NCAPD3: variants seen among roughly 807,000 people sequenced by gnomAD.
NCAPD3 encodes condensin-2 complex subunit D3.
In NCAPD3, 105 loss-of-function variants were observed where a neutral mutation model predicts 182.9. The ratio of observed to expected loss-of-function variants is 0.57; its 90% CI spans 0.49 to 0.68. The LOEUF (loss-of-function observed/expected upper bound fraction) is 0.68. NCAPD3 is among the 30% of genes least tolerant of loss of function. The pLI is 0.00. For missense variants in NCAPD3, 1,944 were observed against 1,837.0 expected (o/e 1.06, Z -1.07); for synonymous variants, 815 against 679.9 (o/e 1.20, Z -3.09).
rs1381591279 is a variant in NCAPD3, at chr11:134,151,283, C to T, written c.*1661G>A. 1 of 152,220 alleles carries T rather than the reference C, an allele frequency of 6.6e-6. No homozygotes were observed. The highest frequency in any genetic ancestry group is 1.9e-4 in the East Asian group (1 of 5,196). 9.4% of individuals were successfully genotyped at this position (152,220 alleles called of 1,614,324 possible). On this transcript the variant is annotated 3_prime_UTR_variant, in exon 35 of 35. Coordinates refer to ENST00000534548, the MANE Select transcript of NCAPD3 (RefSeq NM_015261.3). ...CCGCCTGGCAGAGGCAGGAAATGCTCCAGCAGTGGCTCAGTGCTCCCTGGT... is the reference window on the plus strand; with the variant it reads ...CCGCCTGGCAGAGGCAGGAAATGCTTCAGCAGTGGCTCAGTGCTCCCTGGT...
chr11:134,160,786 G>C (rs1014660843), intron 28 of NCAPD3, among the ~76,000 whole-genome samples: 2 of 152,126 alleles, frequency 1.3e-5, no homozygotes, highest in African/African-American at 2.4e-5. Context: ...CACTTTTCCA[G>C]CTGCCACTAG....
At chr11:134,208,485 T>C (rs749064762) in intron 7 of NCAPD3, among the ~76,000 whole-genome samples, 2 of 152,238 alleles carry the variant, frequency 1.3e-5, no homozygotes, top group Non-Finnish European at 1.5e-5. Context: ...GAAAATTCTC[T>C]GACTATTCTA....
Position 134,178,876 on chromosome 11 carries a change from G to T in NCAPD3, c.2620C>A (p.Arg874Ser). The T allele has an allele frequency of 6.2e-7, 1 of 1,614,090 alleles. No individual in the cohort carries two copies. The highest frequency in any genetic ancestry group is 8.5e-7 in the Non-Finnish European group (1 of 1,180,026). The change falls in exon 21 of 35, where the codon CGC (arginine) becomes AGC (serine). Residue 874 changes from arginine to serine, a missense_variant. Transcript: ENST00000534548. The part of the protein sequence containing the change: ...AQLCPARVEK[R>S]IFLLIQSVLA... ...ACGGACTGAATCAGAAGGAAGATGCGCTTCTCCACCCTGGCTGGACACAGC... is the reference window on the plus strand; with the variant it reads ...ACGGACTGAATCAGAAGGAAGATGCTCTTCTCCACCCTGGCTGGACACAGC...
chr11:134,168,441 C>T lies in NCAPD3; in HGVS notation c.3373+28G>A, dbSNP rs763797528. On this transcript the variant is annotated intron_variant, in intron 26 of 34. Coordinates refer to ENST00000534548, the MANE Select transcript of NCAPD3 (RefSeq NM_015261.3). Reference sequence around the variant, plus strand: ...ACAGCATTTCATTTGCAAACACACACATTTTCTCCCACACACACTGGGCTT... The same window carrying T: ...ACAGCATTTCATTTGCAAACACACATATTTTCTCCCACACACACTGGGCTT... 5 of 1,612,762 alleles carry T rather than the reference C, an allele frequency of 3.1e-6. No individual in the cohort carries two copies. In the African/African-American group the frequency reaches 4.0e-5, roughly 13 times the overall value.
At chr11:134,212,533 T>TAC (rs1446403125) in intron 3 of NCAPD3, among the ~76,000 whole-genome samples, 1 of 152,036 alleles carries the variant, frequency 6.6e-6, no homozygotes, top group East Asian at 1.9e-4. Context: ...TAGCATGCGT[T>TAC]ACCACATTGG....
rs1431619736 is a variant in NCAPD3 at position 134,202,824 on chromosome 11, C to A, written c.1607G>T (p.Gly536Val). The A allele has an allele frequency of 6.2e-7, 1 of 1,603,458 alleles. No individual in the cohort carries two copies. Among genetic ancestry groups the A allele is most frequent in the Admixed American group, 1.7e-5 (1 of 57,824 alleles). ...INIDSSGETV[G>V]SGERCVMAML... is the part of the protein sequence containing the mutation. ...GATAAAATCTGACATACCTCCAGAT[C>A]CAACTGTTTCACCACTGCTGTCTAT... Residue 536 changes from glycine (G) to valine (V), a missense_variant, in exon 13 of 35, where the codon GGA becomes GTA. Coordinates refer to ENST00000534548, the MANE Select transcript of NCAPD3 (RefSeq NM_015261.3).
At chr11:134,219,945 G>A (rs1288358202) in intron 2 of NCAPD3, among the ~76,000 whole-genome samples, 2 of 151,912 alleles carry the variant, frequency 1.3e-5, no homozygotes, top group African/African-American at 2.4e-5. Context: ...ACAGAAGCCC[G>A]CCACCACAAC....
intron 1 of NCAPD3, among the ~76,000 whole-genome samples, chr11:134,221,248 C>A (rs1429548733): frequency 6.6e-6 from 1 of 152,166 alleles, no homozygotes; most frequent in Non-Finnish European, 1.5e-5. Flanking sequence ...TACTTGGTGA[C>A]TTTAAAACAC....
chr11:134,205,434 G>C (rs1324078867), intron 8 of NCAPD3, among the ~76,000 whole-genome samples: 1 of 151,122 alleles, frequency 6.6e-6, no homozygotes, highest in Non-Finnish European at 1.5e-5. Flanking sequence ...AGGCTGGAGC[G>C]CAATGGTGTG....
intron 31 of NCAPD3, among the ~76,000 whole-genome samples, chr11:134,157,656 AAAC>A (rs1015672517): frequency 4.7e-4 from 72 of 152,206 alleles, no homozygotes; most frequent in African/African-American, 1.7e-3. Context: ...ACAATTCCAT[AAAC>A]AAAACAAAAC....
intron 16 of NCAPD3, among the ~76,000 whole-genome samples, chr11:134,190,572 C>T (rs770013040): frequency 8.5e-5 from 13 of 152,124 alleles, no homozygotes; most frequent in Admixed American, 3.3e-4. Context: ...CTGCAGCCTC[C>T]ACCTCCTGGG....
chr11:134,167,597 CACTCACT>C (rs1363099465), intron 27 of NCAPD3, among the ~76,000 whole-genome samples: 1 of 115,360 alleles, frequency 8.7e-6, no homozygotes, highest in Non-Finnish European at 1.7e-5. Context: ...GGGAGGGGCA[CACTCACT>C]AGTGAGATGA....
rs750527810 is a variant in NCAPD3, at chr11:134,184,776, GA to G, written c.2336-25del. On this transcript the variant is annotated intron_variant, in intron 18 of 34. Coordinates refer to ENST00000534548, the MANE Select transcript of NCAPD3 (RefSeq NM_015261.3). Reference sequence around the variant, plus strand: ...ATCTATGAAGGAAGTCAAAACCCCTGAAGTTCAACTGCTTAAATATATTCAG... The same window carrying G: ...ATCTATGAAGGAAGTCAAAACCCCTGAGTTCAACTGCTTAAATATATTCAG... The G allele has an allele frequency of 1.9e-6, 3 of 1,558,274 alleles. No individual in the cohort carries two copies. In the South Asian group the frequency reaches 3.4e-5, roughly 17 times the overall value.
intron 28 of NCAPD3, among the ~76,000 whole-genome samples, chr11:134,161,232 A>G (rs1028301462): frequency 6.6e-6 from 1 of 152,162 alleles, no homozygotes; most frequent in Non-Finnish European, 1.5e-5. Context: ...ATTTTGCAAG[A>G]AAGGTCTGAG....
At chr11:134,223,336 G>A in intron 1 of NCAPD3, 2 of 682,904 alleles carry the variant, frequency 2.9e-6, no homozygotes, top group Non-Finnish European at 5.4e-6. Flanking sequence ...TCAGAGGCAG[G>A]ACAGTGGTAG....
intron 10 of NCAPD3, 60 bp from the exon 11 acceptor site, chr11:134,203,966 C>G: frequency 6.3e-7 from 1 of 1,598,914 alleles, no homozygotes. Flanking sequence ...AAGAACCCTC[C>G]TCATTCAGAC....
intron 24 of NCAPD3, 109 bp downstream of exon 24, chr11:134,176,198 G>A (rs1944159460): frequency 3.3e-6 from 3 of 920,788 alleles, no homozygotes; most frequent in Admixed American, 2.5e-5. Flanking sequence ...CCTACCGAAA[G>A]CTCACTAAAT....
At chr11:134,168,753 A>G in intron 25 of NCAPD3, 151 bp from the exon 26 acceptor site, 1 of 1,366,582 alleles carries the variant, frequency 7.3e-7, no homozygotes, top group Non-Finnish European at 1.0e-6. Flanking sequence ...TGCCCTTAGG[A>G]AGCGATTCTC....
rs1378949100 is a variant in NCAPD3 at position 134,185,431 on chromosome 11, T to C, written c.2141A>G (p.His714Arg). ...NNVISHTGTEHSAPAWMLLSK... is the reference protein window; with the variant it reads ...NNVISHTGTERSAPAWMLLSK... ...GAGCAGCATCCAGGCAGGTGCCGAA[T>C]GTTCCGTGCCAGTGTGAGATATTAC... The change falls in exon 17 of 35, where the codon CAT (histidine) becomes CGT (arginine). Residue 714 changes from histidine (H) to arginine (R), a missense_variant. His to Arg is a conservative substitution (Grantham distance 29). This residue lies in a region of NCAPD3 where 1,803 missense variants were observed against 1,674.6 expected (regional missense o/e 1.08). Transcript: ENST00000534548. The C allele has an allele frequency of 2.5e-6, 4 of 1,614,038 alleles. No homozygotes were observed. Among genetic ancestry groups the C allele is most frequent in the Non-Finnish European group, 3.4e-6 (4 of 1,180,012 alleles).
Sources: gnomAD v4.1 joint callset for allele counts (sites outside exome capture counted in the v4.1 genomes callset) on GRCh38, gnomAD v4.1.1 for gene constraint, gnomAD v4.1.1 regional missense constraint, MANE v1.5 for transcripts, NCBI Gene and HGNC (gene_info 2026-07-23, HGNC 2026-07-21) for gene names.